TF: variants seen among roughly 807,000 people sequenced by gnomAD.
The protein encoded by TF is transferrin, also known as serotransferrin.
A neutral mutation model predicts 82.4 loss-of-function variants in TF; 55 were observed. The observed-to-expected ratio is 0.67, with a 90% CI of 0.54 to 0.84. The LOEUF is 0.84. Among genes scored for constraint, TF ranks in the 40% least tolerant of loss-of-function variants. The probability of loss-of-function intolerance (pLI) is 0.00; values close to 1 mark genes in which losing one functional copy is unlikely to be tolerated. For missense variants in TF, 737 were observed against 868.4 expected (o/e 0.85, Z 1.90); for synonymous variants, 332 against 332.6 (o/e 1.00, Z 0.02).
intron 13 of TF, among the ~76,000 whole-genome samples, chr3:133,768,916 C>T (rs1934194950): frequency 1.3e-5 from 2 of 151,408 alleles, no homozygotes; most frequent in African/African-American, 4.9e-5. Context: ...CCTCAGCCTC[C>T]CTAGTAGCTG....
the TF span, among the ~76,000 whole-genome samples, chr3:133,689,210 G>A: frequency 1.8e-4 from 28 of 152,144 alleles, no homozygotes; most frequent in Admixed American, 1.8e-3. Flanking sequence ...GCACACACCT[G>A]TAGTCCCAGC....
the TF span, among the ~76,000 whole-genome samples, chr3:133,716,611 C>G: frequency 7.6e-4 from 116 of 152,296 alleles, no homozygotes; most frequent in Non-Finnish European, 1.3e-3. Context: ...TTTATCATAG[C>G]CCCTTGACAG....
the TF span, among the ~76,000 whole-genome samples, chr3:133,704,956 A>T: frequency 2.6e-5 from 4 of 152,234 alleles, no homozygotes; most frequent in Non-Finnish European, 4.4e-5. Flanking sequence ...TCCATTTTAT[A>T]GCTGTAAAAA....
rs1934828325 is a variant in TF, at chr3:133,791,459, C to CCAGACT, written c.*12841_*12846dup. The CCAGACT allele has an allele frequency of 6.6e-6, 1 of 152,094 alleles. No individual in the cohort carries two copies. Among genetic ancestry groups the CCAGACT allele is most frequent in the Admixed American group, 6.6e-5 (1 of 15,260 alleles). 9.4% of individuals were successfully genotyped at this position (152,094 alleles called of 1,614,324 possible). A position where few individuals can be genotyped will look rare whatever the true frequency, so the allele number is the denominator to read the frequency against. ...CAAAAGGGTAAGAATTTCTTACCAGCCAGACTCTGGTCTCTGTCTCTCTGT... is the reference window on the plus strand; with the variant it reads ...CAAAAGGGTAAGAATTTCTTACCAGCCAGACTCAGACTCTGGTCTCTGTCTCTCTGT... On this transcript the variant is annotated 3_prime_UTR_variant, in exon 17 of 17. Coordinates refer to ENST00000402696, the MANE Select transcript of TF (RefSeq NM_001063.4).
In TF at chr3:133,784,385, A is replaced by G. The variant is rs1934596871; in HGVS notation, c.*5765A>G. 1 of 151,912 alleles carries G rather than the reference A, an allele frequency of 6.6e-6. No individual in the cohort carries two copies. The highest frequency in any genetic ancestry group is 6.6e-5 in the Admixed American group (1 of 15,252). 9.4% of individuals were successfully genotyped at this position (151,912 alleles called of 1,614,324 possible). ...AGCCTTTTAAAAGAAAACATTTGCT[A>G]CATCGAGCCGTTCTAGGTGTAAAGA... On this transcript the variant is annotated 3_prime_UTR_variant, in exon 17 of 17. Coordinates refer to ENST00000402696, the MANE Select transcript of TF (RefSeq NM_001063.4).
At chr3:133,692,448 A>T in the TF span, among the ~76,000 whole-genome samples, 4 of 152,152 alleles carry the variant, frequency 2.6e-5, no homozygotes, top group African/African-American at 7.2e-5. Context: ...AGCCCTCAGG[A>T]AGAAGCAGTG....
At chr3:133,677,662 C>T in the TF span, among the ~76,000 whole-genome samples, 4 of 151,942 alleles carry the variant, frequency 2.6e-5, no homozygotes, top group South Asian at 8.3e-4. Flanking sequence ...ATAAACAAAA[C>T]ACAACAACAA....
At chr3:133,708,667 T>TAA in the TF span, among the ~76,000 whole-genome samples, 2 of 151,248 alleles carry the variant, frequency 1.3e-5, no homozygotes, top group Admixed American at 6.6e-5. Context: ...CATATATATA[T>TAA]AATTTATAAT....
the TF span, among the ~76,000 whole-genome samples, chr3:133,670,198 C>G: frequency 2.5e-4 from 38 of 152,200 alleles, no homozygotes; most frequent in Non-Finnish European, 1.0e-4. Flanking sequence ...ACTGGTTAAC[C>G]TTTCTGTGCT....
Position 133,756,466 on chromosome 3 carries a change from C to A in TF, c.691+129C>A, listed in dbSNP as rs547082508. On this transcript the variant is annotated intron_variant, in intron 6 of 16. Coordinates refer to ENST00000402696, the MANE Select transcript of TF (RefSeq NM_001063.4). ...TTCTCCTTTATCATTGCCTGGGTTT[C>A]CACCTGTGCAGAGTTAGGTACCTAC... is the stretch of plus-strand genomic sequence containing the variant. 44 of 1,111,750 alleles carry A rather than the reference C, an allele frequency of 4.0e-5. No homozygotes were observed. In the African/African-American group the frequency reaches 6.4e-4, roughly 16 times the overall value. 68.9% of individuals were successfully genotyped at this position (1,111,750 alleles called of 1,614,324 possible). A position where few individuals can be genotyped will look rare whatever the true frequency, so the allele number is the denominator to read the frequency against.
the TF span, among the ~76,000 whole-genome samples, chr3:133,682,243 A>T: frequency 4.6e-5 from 7 of 152,220 alleles, no homozygotes; most frequent in African/African-American, 1.7e-4. Flanking sequence ...AACCACAAAG[A>T]TGGAGAGAAA....
At chr3:133,695,882 C>T in the TF span, among the ~76,000 whole-genome samples, 2 of 152,134 alleles carry the variant, frequency 1.3e-5, no homozygotes, top group Admixed American at 6.5e-5. Flanking sequence ...AGGTAGGTAA[C>T]GTAGACAGAG....
chr3:133,730,418 C>T, the TF span, among the ~76,000 whole-genome samples: 1 of 152,210 alleles, frequency 6.6e-6, no homozygotes, highest in Non-Finnish European at 1.5e-5. Flanking sequence ...AATCTTCAGA[C>T]TCTGTTATCC....
intron 9 of TF, among the ~76,000 whole-genome samples, chr3:133,762,662 C>G (rs1187416796): frequency 2.6e-5 from 4 of 152,074 alleles, no homozygotes; most frequent in African/African-American, 9.7e-5. Context: ...ACGTAAAGTA[C>G]TTTCTGAAGC....
intron 14 of TF, among the ~76,000 whole-genome samples, chr3:133,772,363 T>C (rs1324522941): frequency 6.6e-6 from 1 of 152,338 alleles, no homozygotes; most frequent in East Asian, 1.9e-4. Flanking sequence ...TTTGACTCTC[T>C]TACTCTTTGC....
the TF span, among the ~76,000 whole-genome samples, chr3:133,668,477 A>G: frequency 6.6e-6 from 1 of 152,122 alleles, no homozygotes; most frequent in Non-Finnish European, 1.5e-5. Context: ...CAAAATTGAT[A>G]CTGACCAATG....
chr3:133,694,878 A>ATTTT, the TF span, among the ~76,000 whole-genome samples: 2 of 101,836 alleles, frequency 2.0e-5, no homozygotes, highest in African/African-American at 6.6e-5. Flanking sequence ...TTATTTATTT[A>ATTTT]TTTATTTATT....
At chr3:133,750,499 CT>C (rs1386131380) in intron 2 of TF, among the ~76,000 whole-genome samples, 1 of 152,098 alleles carries the variant, frequency 6.6e-6, no homozygotes, top group African/African-American at 2.4e-5. Flanking sequence ...TCCCTCCAGC[CT>C]TCTCTCTGTA....
the TF span, among the ~76,000 whole-genome samples, chr3:133,713,953 G>C: frequency 2.6e-5 from 4 of 152,186 alleles, no homozygotes; most frequent in African/African-American, 9.7e-5. Flanking sequence ...CATAAATAAA[G>C]GGCAGGATAC....
Sources: allele counts gnomAD v4.1 joint callset (sites outside exome capture counted in the v4.1 genomes callset), GRCh38; gene constraint gnomAD v4.1.1; transcripts MANE v1.5; gene names NCBI Gene and HGNC (gene_info 2026-07-23, HGNC 2026-07-21).